The following PCDHA2 variants were observed in gnomAD, a reference collection of about 807,000 sequenced individuals.
PCDHA2 encodes protocadherin alpha 2.
A neutral mutation model predicts 66.0 loss-of-function variants in PCDHA2; 58 were observed. The observed-to-expected ratio is 0.88, with a 90% confidence interval of 0.71 to 1.09. PCDHA2 has a LOEUF of 1.09. PCDHA2 is among the 50% of genes least tolerant of loss of function. The pLI is 0.00. For missense variants in PCDHA2, 1,267 were observed against 1,242.3 expected (o/e 1.02, Z -0.30); for synonymous variants, 634 against 554.0 (o/e 1.14, Z -2.03).
rs781823139 is a variant in PCDHA2, at chr5:140,797,254, C to A, written c.2290C>A (p.Pro764Thr). 4.3e-6 allele frequency: 7 copies of A among 1,614,162 alleles called. No individual in the cohort carries two copies. Among genetic ancestry groups the A allele is most frequent in the Middle Eastern group, 1.6e-4 (1 of 6,062 alleles). Residue 764 changes from proline (P) to threonine (T), a missense_variant, in exon 1 of 4, where the codon CCC becomes ACC. Coordinates refer to ENST00000526136, the MANE Select transcript of PCDHA2 (RefSeq NM_018905.3). The stretch of plus-strand genomic sequence containing the variant: ...GCAGAGGGTGTGCTCTGGGGAGGAC[C>A]CCCCCAAGACGGACCTCATGGCCTT... ...RRQRVCSGEDPPKTDLMAFSP... is the reference protein window; with the variant it reads ...RRQRVCSGEDTPKTDLMAFSP...
intron 1 of PCDHA2, chr5:140,836,741 G>A (rs1554136289): frequency 8.1e-6 from 13 of 1,600,528 alleles, no homozygotes; most frequent in South Asian, 5.6e-5. Flanking sequence ...CAGACAATGT[G>A]AGTCATAAAT....
chr5:140,835,503 G>A, intron 1 of PCDHA2: 2 of 1,613,910 alleles, frequency 1.2e-6, no homozygotes, highest in Non-Finnish European at 1.7e-6. Flanking sequence ...ATTGATTAGC[G>A]TGTTTGACCG....
chr5:140,878,890 T>C (rs1219933788), intron 1 of PCDHA2, among the ~76,000 whole-genome samples: 1 of 152,242 alleles, frequency 6.6e-6, no homozygotes, highest in East Asian at 1.9e-4. Flanking sequence ...TAGCTGAGAC[T>C]ACAGGCAGGC....
At chr5:140,877,864 A>ATATT in intron 1 of PCDHA2, 1 of 1,500,280 alleles carries the variant, frequency 6.7e-7, no homozygotes, top group East Asian at 2.4e-5. Flanking sequence ...TTATTTAGAT[A>ATATT]TATTTGTTTC....
chr5:140,822,804 T>A (rs2150119466), intron 1 of PCDHA2: 1 of 1,614,204 alleles, frequency 6.2e-7, no homozygotes, highest in South Asian at 1.1e-5. Context: ...TGGATGTGAA[T>A]GATAATACCC....
rs1554168487 is a variant in PCDHA2 at position 140,876,335 on chromosome 5, G to A, written c.2388+78983G>A. ...GGGATCAAAATGATTTTGCCAGTGA[G>A]TGAGAAATGTATGTTTTCAATAAAT... On this transcript the variant is annotated intron_variant, in intron 1 of 3. Transcript: ENST00000526136. 3 of 1,614,034 alleles carry A rather than the reference G, an allele frequency of 1.9e-6. No individual in the cohort carries two copies. The highest frequency in any genetic ancestry group is 4.5e-5 in the East Asian group (2 of 44,894).
chr5:140,869,059 C>T (rs782790799), intron 1 of PCDHA2: 1 of 1,555,654 alleles, frequency 6.4e-7, no homozygotes, highest in East Asian at 2.2e-5. Context: ...GAATCTGGTA[C>T]TGTAAGTGTA....
At chr5:140,928,701 G>A (rs782369096) in intron 1 of PCDHA2, 53 of 1,614,014 alleles carry the variant, frequency 3.3e-5, no homozygotes, top group Admixed American at 2.0e-4. Context: ...TCTCCCGGGC[G>A]TCTGACTCTA....
intron 1 of PCDHA2, among the ~76,000 whole-genome samples, chr5:140,939,170 A>G (rs1554212590): frequency 2.0e-5 from 3 of 152,136 alleles, no homozygotes; most frequent in Admixed American, 1.3e-4. Context: ...GTGTCTGGTA[A>G]TGGCCCACTC....
chr5:140,836,235 G>T (rs1774308419), intron 1 of PCDHA2: 1 of 1,613,794 alleles, frequency 6.2e-7, no homozygotes, highest in Admixed American at 1.7e-5. Flanking sequence ...GGCGGCCGGT[G>T]CGAGCATCCC....
chr5:140,811,692 C>T (rs1554125797), intron 1 of PCDHA2: 1 of 152,186 alleles, frequency 6.6e-6, no homozygotes, highest in East Asian at 1.9e-4. Context: ...GATTGCCATT[C>T]TAACTGGTGT....
chr5:140,803,522 C>T (rs1554122864), intron 1 of PCDHA2: 1 of 1,614,246 alleles, frequency 6.2e-7, no homozygotes, highest in South Asian at 1.1e-5. Context: ...TTAGCCCTAG[C>T]CTTCCTCCTT....
At chr5:140,990,628 G>A (rs1380038956) in intron 3 of PCDHA2, among the ~76,000 whole-genome samples, 1 of 152,154 alleles carries the variant, frequency 6.6e-6, no homozygotes, top group African/African-American at 2.4e-5. Flanking sequence ...TCTGTGGTAA[G>A]ACTAGAAGCC....
intron 1 of PCDHA2, chr5:140,926,610 C>A (rs2083401767): frequency 8.5e-6 from 3 of 352,484 alleles, no homozygotes; most frequent in African/African-American, 2.1e-5. Context: ...CTCGTCTCTG[C>A]ACCCCTAGGC....
At chr5:140,842,682 C>G in intron 1 of PCDHA2, 1 of 1,595,358 alleles carries the variant, frequency 6.3e-7, no homozygotes. Context: ...AATGCTCCGG[C>G]GTTCGCGCAG....
intron 1 of PCDHA2, chr5:140,849,719 G>C: frequency 1.3e-6 from 2 of 1,598,560 alleles, no homozygotes; most frequent in South Asian, 1.1e-5. Context: ...ACTCGTTGGT[G>C]CTGGACAGAG....
At chr5:140,858,433 G>A in intron 1 of PCDHA2, 3 of 1,545,478 alleles carry the variant, frequency 1.9e-6, no homozygotes, top group Non-Finnish European at 2.6e-6. Flanking sequence ...ACCACTCTAG[G>A]AAGGTGGGTT....
At chr5:140,962,541 A>AGTT (rs2095690394) in intron 1 of PCDHA2, among the ~76,000 whole-genome samples, 1 of 152,220 alleles carries the variant, frequency 6.6e-6, no homozygotes, top group Non-Finnish European at 1.5e-5. Flanking sequence ...AGAACTAAAA[A>AGTT]TGTAGAGGAT....
At chr5:140,805,445 G>T (rs1183156035) in intron 1 of PCDHA2, 1 of 1,036,070 alleles carries the variant, frequency 9.7e-7, no homozygotes, top group African/African-American at 1.7e-5. Context: ...TTTTGTGTGT[G>T]TGTGTTTGTG....
Sources: allele counts gnomAD v4.1 joint callset (sites outside exome capture counted in the v4.1 genomes callset), GRCh38; gene constraint gnomAD v4.1.1; transcripts MANE v1.5; gene names NCBI Gene and HGNC (gene_info 2026-07-23, HGNC 2026-07-21).